Variants in B4GALNT2 observed in about 807,000 individuals in gnomAD.
The protein encoded by B4GALNT2 is N-acetylneuraminylgalactosylglucosyl-glucoside beta-1,4-N- acetylgalactosaminyltransferase 2.
A neutral mutation model predicts 51.1 loss-of-function variants in B4GALNT2; 42 were observed. The observed-to-expected ratio is 0.82, with a 90% CI of 0.64 to 1.06. B4GALNT2 has a LOEUF of 1.06. B4GALNT2 is among the 50% of genes least tolerant of loss of function. The pLI, the probability that B4GALNT2 is intolerant of heterozygous loss-of-function variation, is 0.00. For missense variants in B4GALNT2, 602 were observed against 633.6 expected, an observed-to-expected ratio of 0.95 and a Z score of 0.54; for synonymous variants, 253 against 251.7, an observed-to-expected ratio of 1.01 and a Z score of -0.05.
intron 9 of B4GALNT2, among the ~76,000 whole-genome samples, chr17:49,167,130 C>G (rs2042917736): frequency 6.6e-6 from 1 of 151,724 alleles, no homozygotes; most frequent in Admixed American, 6.6e-5. Flanking sequence ...GCAACTCTTA[C>G]AGAGACCAGA....
chr17:49,131,211 T>C (rs1000088906), upstream of B4GALNT2, among the ~76,000 whole-genome samples: 8 of 152,206 alleles, frequency 5.3e-5, no homozygotes, highest in African/African-American at 1.9e-4. Flanking sequence ...TGTCTTTTTT[T>C]ACCCCCCTAC....
chr17:49,128,057 T>TA (rs1567850588), upstream of B4GALNT2, among the ~76,000 whole-genome samples: 1 of 152,184 alleles, frequency 6.6e-6, no homozygotes, highest in African/African-American at 2.4e-5. Context: ...CTCTTTTTTT[T>TA]ATCAGGGGTG....
intron 3 of B4GALNT2, among the ~76,000 whole-genome samples, chr17:49,144,892 T>G (rs1397518221): frequency 6.6e-6 from 1 of 152,172 alleles, no homozygotes; most frequent in Non-Finnish European, 1.5e-5. Flanking sequence ...GTTCCAAAAC[T>G]GAAGAAGCTG....
chr17:49,126,034 A>G, the B4GALNT2 span, among the ~76,000 whole-genome samples: 2 of 37,240 alleles, frequency 5.4e-5, no homozygotes, highest in African/African-American at 8.6e-5. Context: ...CCATGATGAC[A>G]ATGGCGGTTT....
chr17:49,120,518 G>A, the B4GALNT2 span, among the ~76,000 whole-genome samples: 3 of 138,820 alleles, frequency 2.2e-5, no homozygotes, highest in South Asian at 4.7e-4. Flanking sequence ...GTGTGTGTGT[G>A]TATGTGTGAA....
Position 49,140,106 on chromosome 17 carries a change from C to CT in B4GALNT2, c.15-1129dup, listed in dbSNP as rs1238240252. Among the ~76,000 whole-genome samples, 504 of 143,666 alleles carry CT rather than the reference C, an allele frequency of 3.5e-3. 3 individuals are homozygous for CT. Among genetic ancestry groups the CT allele is most frequent in the Admixed American group, 9.7e-3 (139 of 14,258 alleles). The allele number at this position is 143,666 out of a possible 152,430, so 94.3% of individuals were successfully genotyped here. On this transcript the variant is annotated intron_variant, in intron 1 of 10. Transcript: ENST00000393354. ...ATAAAAGCAAAACAGGATTTTCTTT[C>CT]TTTTTTTTTTTTGAGACAGAATCTC...
intron 3 of B4GALNT2, 101 bp from the exon 4 acceptor site, chr17:49,152,699 C>T (rs2042770623): frequency 1.3e-6 from 1 of 791,038 alleles, no homozygotes; most frequent in Non-Finnish European, 1.9e-6. Context: ...TTGATTTCTC[C>T]ATATTGTCAG....
At chr17:49,143,204 G>T (rs1320005937) in intron 3 of B4GALNT2, among the ~76,000 whole-genome samples, 1 of 151,922 alleles carries the variant, frequency 6.6e-6, no homozygotes, top group Non-Finnish European at 1.5e-5. Context: ...AGCTGAGATT[G>T]TGCCACTGCC....
upstream of B4GALNT2, chr17:49,132,532 T>G (rs1414800644): frequency 2.5e-6 from 1 of 399,392 alleles, no homozygotes; most frequent in African/African-American, 2.1e-5. Context: ...GGTGATAGAC[T>G]AGGGGTGGAC....
At chr17:49,140,823 A>G (rs2042636929) in intron 1 of B4GALNT2, among the ~76,000 whole-genome samples, 1 of 148,612 alleles carries the variant, frequency 6.7e-6, no homozygotes, top group Non-Finnish European at 1.5e-5. Context: ...GGTTCAAGCG[A>G]TTCTCCTGTC....
chr17:49,162,756 A>G (rs2042875789), intron 7 of B4GALNT2, among the ~76,000 whole-genome samples: 1 of 151,626 alleles, frequency 6.6e-6, no homozygotes, highest in Non-Finnish European at 1.5e-5. Context: ...TAAAAATCCA[A>G]AAAATCCAAA....
intron 5 of B4GALNT2, 84 bp from the exon 6 acceptor site, chr17:49,158,953 T>C: frequency 6.8e-7 from 1 of 1,477,090 alleles, no homozygotes; most frequent in Non-Finnish European, 9.3e-7. Flanking sequence ...CTGCCCTGGC[T>C]CCTGGCCTGG....
intron 8 of B4GALNT2, among the ~76,000 whole-genome samples, chr17:49,165,096 G>A (rs2042898984): frequency 1.3e-5 from 2 of 152,114 alleles, no homozygotes; most frequent in African/African-American, 2.4e-5. Context: ...TTACAGGCGT[G>A]AGCCACTGTA....
intron 3 of B4GALNT2, among the ~76,000 whole-genome samples, chr17:49,152,566 C>T (rs921706930): frequency 6.6e-6 from 1 of 152,210 alleles, no homozygotes; most frequent in Non-Finnish European, 1.5e-5. Context: ...ATCCCAGCTA[C>T]TAGGTAGGCT....
At chr17:49,152,120 T>C (rs1377491961) in intron 3 of B4GALNT2, among the ~76,000 whole-genome samples, 1 of 152,184 alleles carries the variant, frequency 6.6e-6, no homozygotes, top group Non-Finnish European at 1.5e-5. Context: ...CTCTCTCCTA[T>C]AGTCCTGGCT....
At chr17:49,141,497 G>T in intron 2 of B4GALNT2, 50 bp downstream of exon 2, 1 of 1,570,988 alleles carries the variant, frequency 6.4e-7, no homozygotes, top group Non-Finnish European at 8.7e-7. Context: ...CATCTTCCTT[G>T]CTCCTCCTCA....
chr17:49,126,496 T>TAAAA, the B4GALNT2 span, among the ~76,000 whole-genome samples: 47 of 118,758 alleles, frequency 4.0e-4, 7 homozygotes, highest in South Asian at 8.1e-4. Flanking sequence ...GAATGATCAA[T>TAAAA]AAAAAAAAAA....
At chr17:49,134,598 A>AT (rs1017413006) in intron 1 of B4GALNT2, among the ~76,000 whole-genome samples, 14 of 151,214 alleles carry the variant, frequency 9.3e-5, no homozygotes, top group South Asian at 4.2e-4. Context: ...ATTTTATTTT[A>AT]TTTTTTTTAG....
At chr17:49,153,087 A>T (rs1292938804) in intron 4 of B4GALNT2, among the ~76,000 whole-genome samples, 181 bp downstream of exon 4, 1 of 152,146 alleles carries the variant, frequency 6.6e-6, no homozygotes, top group African/African-American at 2.4e-5. Flanking sequence ...TGGGTGACAG[A>T]GTGAGACCCC....
Sources: allele counts gnomAD v4.1 joint callset (sites outside exome capture counted in the v4.1 genomes callset), GRCh38; gene constraint gnomAD v4.1.1; transcripts MANE v1.5; gene names NCBI Gene and HGNC (gene_info 2026-07-23, HGNC 2026-07-21).